NEBL: variants seen among roughly 807,000 people sequenced by gnomAD.
NEBL encodes LIM and SH3 protein 2.
NEBL carries 122 observed loss-of-function variants against 140.2 expected under a neutral mutation model. The observed-to-expected ratio is 0.87, with a 90% confidence interval of 0.75 to 1.01. The LOEUF is 1.01. NEBL is among the 50% of genes least tolerant of loss of function. The probability of loss-of-function intolerance (pLI) is 0.00; values close to 1 mark genes in which losing one functional copy is unlikely to be tolerated. For synonymous variants in NEBL, 436 were observed against 398.9 expected (o/e 1.09, Z -1.11); for missense variants, 1,365 against 1,231.3 (o/e 1.11, Z -1.62).
At chr10:21,180,797 C>T (rs1841374494) in intron 3 of NEBL, among the ~76,000 whole-genome samples, 1 of 152,112 alleles carries the variant, frequency 6.6e-6, no homozygotes, top group Non-Finnish European at 1.5e-5. Context: ...TTTCTCATGT[C>T]TTCCCTGGTT....
At chr10:21,160,665 A>G (rs1416952945) in intron 2 of NEBL, among the ~76,000 whole-genome samples, 1 of 152,018 alleles carries the variant, frequency 6.6e-6, no homozygotes, top group East Asian at 1.9e-4. Context: ...GGGTTGGGGG[A>G]GAAGCACTGA....
chr10:21,127,003 C>T (rs1377769799), intron 2 of NEBL, among the ~76,000 whole-genome samples: 2 of 147,362 alleles, frequency 1.4e-5, no homozygotes, highest in African/African-American at 5.0e-5. Flanking sequence ...AAAAACTCCA[C>T]TGGCCAAAGA....
intron 2 of NEBL, among the ~76,000 whole-genome samples, chr10:21,164,337 A>G (rs934787827): frequency 6.6e-6 from 1 of 152,188 alleles, no homozygotes; most frequent in Non-Finnish European, 1.5e-5. Context: ...GGTGTCATGC[A>G]TGGCTATGTC....
chr10:21,099,529 C>G (rs1837370832), intron 2 of NEBL, among the ~76,000 whole-genome samples: 2 of 152,170 alleles, frequency 1.3e-5, no homozygotes, highest in South Asian at 4.1e-4. Flanking sequence ...AATTTCCTCT[C>G]TGCTTTTATT....
At chr10:21,187,742 G>A (rs1841499839) in intron 3 of NEBL, among the ~76,000 whole-genome samples, 1 of 152,020 alleles carries the variant, frequency 6.6e-6, no homozygotes, top group Non-Finnish European at 1.5e-5. Flanking sequence ...TCAAACTCCT[G>A]AGCTCAAGCA....
At chr10:20,863,817 G>C (rs1427257056) in intron 7 of NEBL, among the ~76,000 whole-genome samples, 2 of 152,052 alleles carry the variant, frequency 1.3e-5, no homozygotes, top group African/African-American at 2.4e-5. Flanking sequence ...ACTACAAATC[G>C]TATTAAGAAC....
chr10:21,012,826 C>T (rs1375068942), intron 3 of NEBL, among the ~76,000 whole-genome samples: 1 of 152,230 alleles, frequency 6.6e-6, no homozygotes, highest in East Asian at 1.9e-4. Flanking sequence ...CTCCCTCCAC[C>T]GTCAGCTATG....
chr10:20,890,168 G>C (rs891879398), intron 2 of NEBL, among the ~76,000 whole-genome samples: 20 of 152,062 alleles, frequency 1.3e-4, no homozygotes, highest in Admixed American at 1.1e-3. Context: ...GATAAGCGAG[G>C]GTCCAGTTAA....
intron 12 of NEBL, among the ~76,000 whole-genome samples, chr10:20,844,114 T>C (rs367853639): frequency 6.6e-6 from 1 of 152,158 alleles, no homozygotes; most frequent in Non-Finnish European, 1.5e-5. Context: ...AAATTACATG[T>C]CTATTTCAGC....
intron 3 of NEBL, among the ~76,000 whole-genome samples, chr10:21,246,510 C>T (rs1223864880): frequency 6.6e-6 from 1 of 152,036 alleles, no homozygotes; most frequent in Non-Finnish European, 1.5e-5. Context: ...GGGCCAGGCA[C>T]AATGGCTCAC....
chr10:20,920,527 C>A (rs1833532405), intron 4 of NEBL, among the ~76,000 whole-genome samples: 1 of 152,014 alleles, frequency 6.6e-6, no homozygotes, highest in Admixed American at 6.5e-5. Context: ...AAGCAAAGTA[C>A]AAAAGAGTGT....
intron 3 of NEBL, among the ~76,000 whole-genome samples, chr10:21,215,890 T>C (rs780193490): frequency 2.0e-5 from 3 of 152,124 alleles, no homozygotes; most frequent in Non-Finnish European, 4.4e-5. Flanking sequence ...AGGCTGGTCT[T>C]AAACTCCTGG....
At chr10:21,025,316 T>A (rs1181287370) in intron 2 of NEBL, among the ~76,000 whole-genome samples, 2 of 152,234 alleles carry the variant, frequency 1.3e-5, no homozygotes, top group African/African-American at 4.8e-5. Flanking sequence ...TTAGATGAGC[T>A]ATGCAAGAAT....
At chr10:21,218,435 A>G (rs925857598) in intron 3 of NEBL, among the ~76,000 whole-genome samples, 7 of 151,732 alleles carry the variant, frequency 4.6e-5, no homozygotes, top group Non-Finnish European at 8.8e-5. Context: ...TGAAGACTCT[A>G]TGTGATGGTG....
intron 3 of NEBL, among the ~76,000 whole-genome samples, chr10:21,192,428 A>AAG (rs1841588325): frequency 6.6e-6 from 1 of 151,412 alleles, no homozygotes; most frequent in Non-Finnish European, 1.5e-5. Context: ...TCCTGACCTC[A>AAG]TGATCTGCCT....
intron 3 of NEBL, among the ~76,000 whole-genome samples, chr10:21,196,857 C>A (rs950022222): frequency 3.3e-5 from 5 of 152,212 alleles, no homozygotes; most frequent in African/African-American, 1.2e-4. Flanking sequence ...TTTAAAAGCT[C>A]AAGATTTTGC....
intron 4 of NEBL, among the ~76,000 whole-genome samples, chr10:20,932,839 A>G (rs755673295): frequency 6.6e-6 from 1 of 152,158 alleles, no homozygotes; most frequent in African/African-American, 2.4e-5. Flanking sequence ...GCAATCCCTA[A>G]CTTTGGGGAC....
At chr10:20,952,865 G>T (rs148856703) in intron 4 of NEBL, among the ~76,000 whole-genome samples, 1 of 127,730 alleles carries the variant, frequency 7.8e-6, no homozygotes, top group Non-Finnish European at 1.6e-5. Context: ...AGATTGCACC[G>T]CTGTACTCCA....
At chr10:20,873,105 A>G (rs1313674053) in intron 5 of NEBL, among the ~76,000 whole-genome samples, 1 of 152,202 alleles carries the variant, frequency 6.6e-6, no homozygotes, top group Non-Finnish European at 1.5e-5. Flanking sequence ...CTCATCTGAC[A>G]TTTCTCAATA....
Sources: gnomAD v4.1 joint callset for allele counts (sites outside exome capture counted in the v4.1 genomes callset) on GRCh38, gnomAD v4.1.1 for gene constraint, MANE v1.5 for transcripts, NCBI Gene and HGNC (gene_info 2026-07-23, HGNC 2026-07-21) for gene names.